ROBO2: variants seen among roughly 807,000 people sequenced by gnomAD.
ROBO2 encodes roundabout homolog 2.
ROBO2 carries 53 observed loss-of-function variants against 160.8 expected under a neutral mutation model. That is an observed-to-expected ratio of 0.33 (90% CI 0.26 to 0.41). ROBO2 has a LOEUF of 0.41. Ranked by LOEUF, ROBO2 falls within the 10% of genes least tolerant of loss-of-function variation. The probability of loss-of-function intolerance (pLI) is 1.00; values close to 1 mark genes in which losing one functional copy is unlikely to be tolerated. For synonymous variants in ROBO2, 664 were observed against 611.7 expected (o/e 1.09, Z -1.26); for missense variants, 1,577 against 1,722.4 (o/e 0.92, Z 1.49).
At chr3:77,079,821 T>C (rs2149913338) in intron 1 of ROBO2, among the ~76,000 whole-genome samples, 1 of 152,336 alleles carries the variant, frequency 6.6e-6, no homozygotes, top group Non-Finnish European at 1.5e-5. Context: ...GTGTTGTTTA[T>C]ATCACGTAGG....
intron 2 of ROBO2, among the ~76,000 whole-genome samples, chr3:76,888,793 T>C (rs138751804): frequency 1.8e-3 from 268 of 152,348 alleles, no homozygotes; most frequent in African/African-American, 6.0e-3. Flanking sequence ...AGCTGATTTA[T>C]TGGCTCAGTT....
chr3:76,148,474 T>C (rs2072004683), intron 2 of ROBO2, among the ~76,000 whole-genome samples: 1 of 152,094 alleles, frequency 6.6e-6, no homozygotes, highest in Non-Finnish European at 1.5e-5. Context: ...AAGCATCTTT[T>C]CCCTTTCATT....
intron 2 of ROBO2, among the ~76,000 whole-genome samples, chr3:77,426,894 A>T (rs553389089): frequency 6.6e-6 from 1 of 152,342 alleles, no homozygotes; most frequent in African/African-American, 2.4e-5. Flanking sequence ...AGATTAACTC[A>T]GCTTCCAAAG....
In ROBO2 at chr3:77,134,952, C is replaced by A. The variant is rs567662388; in HGVS notation, c.388+36612C>A. On this transcript the variant is annotated intron_variant, in intron 2 of 25. Coordinates refer to ENST00000461745, the Ensembl canonical transcript of ROBO2. ...CCGTTCACTGCGCTCCCCGGGCCCACCCCCCGTTTGCTGCCAGTGTCCATC... is the reference window on the plus strand; with the variant it reads ...CCGTTCACTGCGCTCCCCGGGCCCAACCCCCGTTTGCTGCCAGTGTCCATC... Among the ~76,000 whole-genome samples the A allele has an allele frequency of 3.3e-5, 5 of 152,286 alleles. No homozygotes were observed. The East Asian group carries it at 9.7e-4, about 29-fold the overall frequency.
At chr3:76,477,778 C>T (rs183068780) in intron 2 of ROBO2, among the ~76,000 whole-genome samples, 312 of 152,164 alleles carry the variant, frequency 2.1e-3, no homozygotes, top group African/African-American at 7.2e-3. Context: ...TACCCCTCTT[C>T]CTGCTGTTCC....
intron 2 of ROBO2, among the ~76,000 whole-genome samples, chr3:76,393,451 T>C (rs1425496767): frequency 6.6e-6 from 1 of 152,136 alleles, no homozygotes; most frequent in African/African-American, 2.4e-5. Flanking sequence ...AAGTAGTTTG[T>C]GGGGAATTAA....
chr3:77,324,785 AAG>A (rs747392462), intron 2 of ROBO2, among the ~76,000 whole-genome samples: 95 of 139,912 alleles, frequency 6.8e-4, no homozygotes, highest in South Asian at 1.6e-3. Context: ...CCGTCTCAAA[AAG>A]AAAAAAAAAA....
chr3:76,732,115 C>T (rs913417353), intron 2 of ROBO2, among the ~76,000 whole-genome samples: 2 of 152,134 alleles, frequency 1.3e-5, no homozygotes, highest in Non-Finnish European at 2.9e-5. Flanking sequence ...GAATGGCTTA[C>T]TGTGACTTTG....
intron 2 of ROBO2, among the ~76,000 whole-genome samples, chr3:76,897,554 T>A (rs576896832): frequency 2.0e-5 from 3 of 152,220 alleles, no homozygotes; most frequent in Admixed American, 2.0e-4. Flanking sequence ...ATGACATGAT[T>A]ATAAAGTGAC....
chr3:75,974,562 T>C (rs914272437), intron 2 of ROBO2, among the ~76,000 whole-genome samples: 1 of 151,660 alleles, frequency 6.6e-6, no homozygotes, highest in African/African-American at 2.4e-5. Flanking sequence ...AACAGACAAT[T>C]TAACTTTATG....
intron 2 of ROBO2, among the ~76,000 whole-genome samples, chr3:76,018,432 A>G (rs754944850): frequency 2.6e-5 from 4 of 151,520 alleles, no homozygotes; most frequent in Non-Finnish European, 2.9e-5. Context: ...CTGTATCTCT[A>G]TTTACTATTT....
chr3:77,431,417 A>T (rs1000303823), intron 2 of ROBO2, among the ~76,000 whole-genome samples: 2 of 152,222 alleles, frequency 1.3e-5, no homozygotes, highest in East Asian at 1.9e-4. Flanking sequence ...TAAACATTTT[A>T]TATGCTCTAC....
At chr3:76,645,325 G>T (rs572693425) in intron 2 of ROBO2, among the ~76,000 whole-genome samples, 5 of 152,212 alleles carry the variant, frequency 3.3e-5, no homozygotes, top group Admixed American at 6.5e-5. Flanking sequence ...CAGATGAATT[G>T]GAAACAGAAA....
At chr3:76,380,196 A>G (rs1197267999) in intron 2 of ROBO2, among the ~76,000 whole-genome samples, 3 of 152,196 alleles carry the variant, frequency 2.0e-5, no homozygotes, top group Non-Finnish European at 4.4e-5. Flanking sequence ...ATCTAGAGCC[A>G]TTAAAATACA....
intron 2 of ROBO2, among the ~76,000 whole-genome samples, chr3:77,134,736 A>C (rs1424387538): frequency 1.3e-5 from 2 of 152,324 alleles, no homozygotes; most frequent in South Asian, 2.1e-4. Context: ...TAATTTAATA[A>C]GAAACTCCCA....
intron 2 of ROBO2, among the ~76,000 whole-genome samples, chr3:76,135,289 C>T (rs906765499): frequency 1.3e-5 from 2 of 152,044 alleles, no homozygotes; most frequent in African/African-American, 4.8e-5. Context: ...TTTTAATATA[C>T]CCGTCAAGGT....
chr3:76,043,740 G>C (rs2067359850), intron 2 of ROBO2, among the ~76,000 whole-genome samples: 1 of 150,044 alleles, frequency 6.7e-6, no homozygotes, highest in South Asian at 2.1e-4. Context: ...CCTTCCAGAA[G>C]CACTTATCTA....
At chr3:76,230,318 GA>G (rs368897104) in intron 2 of ROBO2, among the ~76,000 whole-genome samples, 51 of 147,886 alleles carry the variant, frequency 3.4e-4, no homozygotes, top group Non-Finnish European at 6.1e-4. Context: ...TTTCTCATTT[GA>G]AAAAAAAAAT....
intron 2 of ROBO2, among the ~76,000 whole-genome samples, chr3:76,873,234 A>C (rs1240253907): frequency 1.3e-5 from 2 of 152,126 alleles, no homozygotes; most frequent in Non-Finnish European, 2.9e-5. Flanking sequence ...CTCTAGGGCA[A>C]GGAAAAAAGC....
Sources: gnomAD v4.1 joint callset for allele counts (sites outside exome capture counted in the v4.1 genomes callset) on GRCh38, gnomAD v4.1.1 for gene constraint, MANE v1.5 for transcripts, NCBI Gene and HGNC (gene_info 2026-07-23, HGNC 2026-07-21) for gene names.